The following DMXL2 variants were observed in gnomAD, a reference collection of about 807,000 sequenced individuals.
The protein encoded by DMXL2 is Dmx like 2, also known as dmX-like protein 2.
Under a neutral mutation model 331.1 loss-of-function variants are expected in DMXL2, and 103 were observed. The observed-to-expected ratio is 0.31, with a 90% CI of 0.27 to 0.37. The LOEUF is 0.37. DMXL2 is among the 10% of genes least tolerant of loss of function. DMXL2 has a pLI of 1.00. For synonymous variants in DMXL2, 1,281 were observed against 1,252.1 expected (o/e 1.02, Z -0.49); for missense variants, 3,171 against 3,642.9 (o/e 0.87, Z 3.33).
chr15:51,472,853 T>C lies in DMXL2; in HGVS notation c.7214-1452A>G, dbSNP rs1428808382. ...ACTCTTATTTATGTTACCCAGTCTATTCTCCACAAAGCAGCTAGAGCGGTT... is the reference window on the plus strand; with the variant it reads ...ACTCTTATTTATGTTACCCAGTCTACTCTCCACAAAGCAGCTAGAGCGGTT... On this transcript the variant is annotated intron_variant, in intron 28 of 43. Transcript: ENST00000560891. 2.0e-5 allele frequency among the ~76,000 whole-genome samples: 3 copies of C among 152,300 alleles called. No homozygotes were observed. In the South Asian group the frequency reaches 6.2e-4, roughly 32 times the overall value.
At chr15:51,543,281 A>C (rs945726929) in intron 8 of DMXL2, among the ~76,000 whole-genome samples, 7 of 152,134 alleles carry the variant, frequency 4.6e-5, no homozygotes, top group African/African-American at 1.7e-4. Context: ...ATTTTTTATT[A>C]CTTTCCTTTG....
chr15:51,580,829 C>T (rs2051358645), intron 1 of DMXL2, among the ~76,000 whole-genome samples: 1 of 152,182 alleles, frequency 6.6e-6, no homozygotes, highest in African/African-American at 2.4e-5. Context: ...TTAACCCTCA[C>T]TTGTTATAAT....
chr15:51,517,116 G>C lies in DMXL2; in HGVS notation c.2488C>G (p.Pro830Ala), dbSNP rs375787615. Reference sequence around the variant, plus strand: ...GCGTCGAGTTCAATAATGCAGCCAGGTCGAGCAGTAGACTGTTGGCTCACA... The same window carrying C: ...GCGTCGAGTTCAATAATGCAGCCAGCTCGAGCAGTAGACTGTTGGCTCACA... The part of the protein sequence containing the change: ...NIVSQQSTAR[P>A]GCIIELDAIT... Residue 830 changes from proline to alanine, a missense_variant, in exon 14 of 44, where the codon CCT becomes GCT. Transcript: ENST00000560891. 1.9e-5 allele frequency: 30 copies of C among 1,613,922 alleles called. No homozygotes were observed. Among genetic ancestry groups the C allele is most frequent in the African/African-American group, 1.3e-5 (1 of 74,906 alleles).
Position 51,622,130 on chromosome 15 carries a change from A to G in DMXL2, c.87+329T>C, listed in dbSNP as rs2054679990. Among the ~76,000 whole-genome samples, 3 of 152,236 alleles carry G rather than the reference A, an allele frequency of 2.0e-5. No individual in the cohort carries two copies. The South Asian group carries it at 6.2e-4, about 32-fold the overall frequency. On this transcript the variant is annotated intron_variant, in intron 1 of 43. Coordinates refer to ENST00000560891, the MANE Select transcript of DMXL2 (RefSeq NM_001378457.1). ...TGCGAAACGGACGCTCTGGGGTTTC[A>G]GCCGCACCACCACTTTCCTCCACCG...
rs764829752 is a variant in DMXL2 at position 51,480,565 on chromosome 15, A to G, written c.6541T>C (p.Phe2181Leu). 7.9e-6 allele frequency: 12 copies of G among 1,527,394 alleles called. No homozygotes were observed. Among genetic ancestry groups the G allele is most frequent in the Non-Finnish European group, 1.1e-5 (12 of 1,135,644 alleles). The allele number at this position is 1,527,394 out of a possible 1,614,324, so 94.6% of individuals were successfully genotyped here. ...GLASVRMELK[F>L]LLQESQQETT... ...ACCTGTTGTGATTCTTGTAGCAAAA[A>G]TTTGAGTTCCATCCTTACTGAAGCC... Residue 2181 changes from phenylalanine (F) to leucine (L), a missense_variant, in exon 24 of 44, where the codon TTT becomes CTT. Phe to Leu is a conservative substitution (Grantham distance 22). Around this residue, in one of 7 missense-constraint regions of DMXL2, gnomAD observed 197 missense variants for 196.2 expected, o/e 1.00. Transcript: ENST00000560891.
chr15:51,517,261 A>C, intron 13 of DMXL2, 94 bp from the exon 14 acceptor site: 1 of 830,556 alleles, frequency 1.2e-6, no homozygotes, highest in South Asian at 1.5e-5. Flanking sequence ...CCCCCTCTAA[A>C]TATTCACTGA....
At chr15:51,578,695 T>C (rs955055577) in intron 1 of DMXL2, among the ~76,000 whole-genome samples, 3 of 152,218 alleles carry the variant, frequency 2.0e-5, no homozygotes, top group South Asian at 2.1e-4. Flanking sequence ...AAAATATATG[T>C]AGGACATTCA....
At chr15:51,557,224 T>A (rs545832784) in intron 6 of DMXL2, among the ~76,000 whole-genome samples, 98 of 152,324 alleles carry the variant, frequency 6.4e-4, no homozygotes, top group African/African-American at 2.1e-3. Context: ...ATACAAAAAC[T>A]GCATTTCTAT....
chr15:51,596,004 G>A (rs2052773484), intron 1 of DMXL2, among the ~76,000 whole-genome samples: 1 of 152,150 alleles, frequency 6.6e-6, no homozygotes, highest in African/African-American at 2.4e-5. Context: ...CAGGACATAG[G>A]CATGGGCAAG....
rs2048848204 is a variant in DMXL2 at position 51,545,658 on chromosome 15, C to G, written c.855G>C (p.Glu285Asp). 6.2e-7 allele frequency: 1 copy of G among 1,613,568 alleles called. No individual in the cohort carries two copies. The highest frequency in any genetic ancestry group is 1.1e-5 in the South Asian group (1 of 91,056). Reference sequence around the variant, plus strand: ...TGCTGGCAATGCTGGAAGTGGTAGTCTCACAAATCTGCTCACCCAAAAGAC... The same window carrying G: ...TGCTGGCAATGCTGGAAGTGGTAGTGTCACAAATCTGCTCACCCAAAAGAC... ...EDCLLGEQICETTTSSIASSL... is the reference protein window; with the variant it reads ...EDCLLGEQICDTTTSSIASSL... Residue 285 changes from glutamate (E) to aspartate (D), a missense_variant, in exon 8 of 44, where the codon GAG becomes GAC. Glu to Asp is a conservative substitution (Grantham distance 45, BLOSUM62 2). Around this residue, in one of 7 missense-constraint regions of DMXL2, gnomAD observed 1,674 missense variants for 1,780.2 expected, o/e 0.94. Coordinates refer to ENST00000560891, the MANE Select transcript of DMXL2 (RefSeq NM_001378457.1).
chr15:51,506,919 T>G (rs2046438679), intron 16 of DMXL2, among the ~76,000 whole-genome samples: 1 of 152,222 alleles, frequency 6.6e-6, no homozygotes, highest in Non-Finnish European at 1.5e-5. Context: ...TTATTTTTTT[T>G]CAATATGTCT....
intron 1 of DMXL2, among the ~76,000 whole-genome samples, chr15:51,588,162 T>G (rs920440395): frequency 5.0e-5 from 2 of 40,192 alleles, no homozygotes; most frequent in East Asian, 6.3e-4. Flanking sequence ...TGTTTAGGGG[T>G]TTTTTTTTTT....
chr15:51,501,802 C>G (rs1323098975), intron 17 of DMXL2, among the ~76,000 whole-genome samples: 1 of 150,724 alleles, frequency 6.6e-6, no homozygotes, highest in Non-Finnish European at 1.5e-5. Flanking sequence ...CGCCTGTAGT[C>G]CCAGCTACTC....
intron 1 of DMXL2, among the ~76,000 whole-genome samples, chr15:51,601,378 A>C (rs1011709296): frequency 5.3e-5 from 8 of 151,904 alleles, no homozygotes; most frequent in African/African-American, 1.9e-4. Flanking sequence ...TATTCCTCTG[A>C]ATTCTCCCTT....
chr15:51,544,847 C>G (rs1161530326), intron 8 of DMXL2, among the ~76,000 whole-genome samples: 2 of 151,970 alleles, frequency 1.3e-5, no homozygotes, highest in Non-Finnish European at 2.9e-5. Context: ...TTTTCTTAAT[C>G]CAATTCTAGA....
intron 6 of DMXL2, among the ~76,000 whole-genome samples, chr15:51,562,519 T>C (rs1040831678): frequency 6.6e-6 from 1 of 152,158 alleles, no homozygotes; most frequent in Non-Finnish European, 1.5e-5. Flanking sequence ...AAATGGTAGC[T>C]CTGCTATTTT....
chr15:51,534,017 G>A (rs1025206974), intron 13 of DMXL2, among the ~76,000 whole-genome samples: 1 of 152,124 alleles, frequency 6.6e-6, no homozygotes, highest in Non-Finnish European at 1.5e-5. Flanking sequence ...GGAAAAATAG[G>A]TCTACATTTG....
At chr15:51,617,331 T>G (rs2054350447) in intron 1 of DMXL2, among the ~76,000 whole-genome samples, 1 of 152,174 alleles carries the variant, frequency 6.6e-6, no homozygotes, top group African/African-American at 2.4e-5. Flanking sequence ...CACCCAATAC[T>G]GTACTATGAC....
intron 18 of DMXL2, among the ~76,000 whole-genome samples, chr15:51,497,972 C>T (rs2043301555): frequency 6.6e-6 from 1 of 152,120 alleles, no homozygotes; most frequent in Non-Finnish European, 1.5e-5. Flanking sequence ...GTGACTCATA[C>T]CTATAATCCC....
Sources: allele counts gnomAD v4.1 joint callset (sites outside exome capture counted in the v4.1 genomes callset), GRCh38; gene constraint gnomAD v4.1.1; regional missense constraint gnomAD v4.1.1; transcripts MANE v1.5; gene names NCBI Gene and HGNC (gene_info 2026-07-23, HGNC 2026-07-21).